SPMIP2: variants seen among roughly 807,000 people sequenced by gnomAD.
SPMIP2 encodes the protein protein SPMIP2.
the SPMIP2 span, among the ~76,000 whole-genome samples, chr4:158,998,794 T>C: frequency 9.9e-5 from 15 of 152,128 alleles, no homozygotes; most frequent in Admixed American, 2.0e-4. Flanking sequence ...TATGATGTAA[T>C]CCACAGAGCA....
At chr4:158,998,435 G>A in the SPMIP2 span, among the ~76,000 whole-genome samples, 4 of 152,120 alleles carry the variant, frequency 2.6e-5, no homozygotes, top group Non-Finnish European at 4.4e-5. Flanking sequence ...CATTTAAGTG[G>A]ACTATTTTGT....
the SPMIP2 span, among the ~76,000 whole-genome samples, chr4:159,023,020 C>G: frequency 6.7e-6 from 1 of 148,528 alleles, no homozygotes. Flanking sequence ...CAGAGCGAGA[C>G]TCCATCTCAA....
the SPMIP2 span, among the ~76,000 whole-genome samples, chr4:158,914,552 C>A: frequency 6.6e-6 from 1 of 152,174 alleles, no homozygotes; most frequent in East Asian, 1.9e-4. Flanking sequence ...AACTGGACGC[C>A]TGCAAAGTTC....
the SPMIP2 span, among the ~76,000 whole-genome samples, chr4:158,936,747 C>T: frequency 1.6e-4 from 24 of 152,242 alleles, no homozygotes; most frequent in Middle Eastern, 6.8e-3. Context: ...CAGAATCTTC[C>T]AAGGAATCAC....
At chr4:158,970,630 A>C in the SPMIP2 span, among the ~76,000 whole-genome samples, 1 of 152,118 alleles carries the variant, frequency 6.6e-6, no homozygotes, top group Non-Finnish European at 1.5e-5. Flanking sequence ...AGATGAGTAG[A>C]CCCAGTGACA....
chr4:159,069,817 C>T, the SPMIP2 span, among the ~76,000 whole-genome samples: 1 of 151,836 alleles, frequency 6.6e-6, no homozygotes, highest in African/African-American at 2.4e-5. Flanking sequence ...CAAAGTGGAG[C>T]ATTCTTGACT....
At chr4:159,023,106 T>A in the SPMIP2 span, among the ~76,000 whole-genome samples, 1 of 151,994 alleles carries the variant, frequency 6.6e-6, no homozygotes, top group Non-Finnish European at 1.5e-5. Flanking sequence ...ATAGTGTGTG[T>A]GTCAACTTGA....
chr4:159,081,027 T>C, the SPMIP2 span, among the ~76,000 whole-genome samples: 3 of 148,318 alleles, frequency 2.0e-5, no homozygotes, highest in South Asian at 6.4e-4. Context: ...CCGGACTCTT[T>C]GTTTCTTTCT....
At chr4:158,997,352 T>G in the SPMIP2 span, among the ~76,000 whole-genome samples, 1 of 151,444 alleles carries the variant, frequency 6.6e-6, no homozygotes, top group Non-Finnish European at 1.5e-5. Flanking sequence ...TGCCTCAGCC[T>G]CTGAAGTAGC....
chr4:158,936,630 G>A, the SPMIP2 span, among the ~76,000 whole-genome samples: 1 of 152,224 alleles, frequency 6.6e-6, no homozygotes, highest in African/African-American at 2.4e-5. Flanking sequence ...CTTTCTGGGA[G>A]AACAAGCCTT....
At chr4:158,967,373 A>G in the SPMIP2 span, among the ~76,000 whole-genome samples, 1 of 152,188 alleles carries the variant, frequency 6.6e-6, no homozygotes, top group African/African-American at 2.4e-5. Context: ...GTATCATAAG[A>G]CATATAACTT....
At chr4:158,987,620 G>A in the SPMIP2 span, among the ~76,000 whole-genome samples, 1 of 151,982 alleles carries the variant, frequency 6.6e-6, no homozygotes, top group African/African-American at 2.4e-5. Flanking sequence ...CACACTCTGG[G>A]GACTGTTGTG....
the SPMIP2 span, among the ~76,000 whole-genome samples, chr4:158,896,655 C>A: frequency 1.3e-5 from 2 of 152,096 alleles, no homozygotes; most frequent in African/African-American, 4.8e-5. Flanking sequence ...GAATGTGACG[C>A]CTGTGTTGTT....
chr4:159,070,048 T>A, the SPMIP2 span, among the ~76,000 whole-genome samples: 6 of 147,570 alleles, frequency 4.1e-5, no homozygotes, highest in African/African-American at 1.5e-4. Flanking sequence ...GTGGTACACT[T>A]TTTTTTTTTT....
At chr4:159,080,364 A>G in the SPMIP2 span, among the ~76,000 whole-genome samples, 2 of 152,022 alleles carry the variant, frequency 1.3e-5, no homozygotes, top group Admixed American at 6.6e-5. Flanking sequence ...CTATGGGCAC[A>G]GGTTACCACA....
chr4:158,992,758 A>G, the SPMIP2 span, among the ~76,000 whole-genome samples: 1 of 152,228 alleles, frequency 6.6e-6, no homozygotes, highest in East Asian at 1.9e-4. Context: ...AGGTCCCAAC[A>G]GGGCAGCAGG....
chr4:158,910,733 A>G, the SPMIP2 span, among the ~76,000 whole-genome samples: 2 of 152,150 alleles, frequency 1.3e-5, no homozygotes, highest in Non-Finnish European at 2.9e-5. Flanking sequence ...TCTGCCTGAA[A>G]ACTGCCTTCA....
the SPMIP2 span, among the ~76,000 whole-genome samples, chr4:158,979,215 G>A: frequency 6.6e-6 from 1 of 152,174 alleles, no homozygotes; most frequent in Non-Finnish European, 1.5e-5. Context: ...CACCAAGCTT[G>A]AGCCTCCCAG....
the SPMIP2 span, among the ~76,000 whole-genome samples, chr4:158,987,284 A>G: frequency 6.6e-6 from 1 of 152,162 alleles, no homozygotes; most frequent in Non-Finnish European, 1.5e-5. Context: ...ATTACTGGGT[A>G]TATACCCAAA....
Sources: gnomAD v4.1 joint callset for allele counts (sites outside exome capture counted in the v4.1 genomes callset) on GRCh38, gnomAD v4.1.1 for gene constraint, MANE v1.5 for transcripts, NCBI Gene and HGNC (gene_info 2026-07-23, HGNC 2026-07-21) for gene names.